DLG2: variants seen among roughly 807,000 people sequenced by gnomAD.
DLG2 encodes disks large homolog 2.
DLG2 carries 45 observed loss-of-function variants against 132.5 expected under a neutral mutation model. The observed-to-expected ratio is 0.34, with a 90% CI of 0.27 to 0.44. DLG2 has a LOEUF of 0.44. Among genes scored for constraint, DLG2 ranks in the 20% least tolerant of loss-of-function variants. DLG2 has a pLI of 1.00. For missense variants in DLG2, 1,045 were observed against 1,196.9 expected, an observed-to-expected ratio of 0.87 and a Z score of 1.87; for synonymous variants, 424 against 419.6, an observed-to-expected ratio of 1.01 and a Z score of -0.13.
At chr11:85,304,431 G>A (rs1023266514) in intron 3 of DLG2, among the ~76,000 whole-genome samples, 1 of 152,046 alleles carries the variant, frequency 6.6e-6, no homozygotes, top group African/African-American at 2.4e-5. Flanking sequence ...GCACAGTAGA[G>A]ACTAACTGAA....
intron 6 of DLG2, among the ~76,000 whole-genome samples, chr11:84,597,641 A>G (rs2099565879): frequency 6.6e-6 from 1 of 152,224 alleles, no homozygotes; most frequent in East Asian, 1.9e-4. Flanking sequence ...GAACCATTAA[A>G]GCAGCAGTTA....
intron 3 of DLG2, among the ~76,000 whole-genome samples, chr11:85,586,420 C>T (rs922848007): frequency 6.6e-6 from 1 of 152,028 alleles, no homozygotes; most frequent in Non-Finnish European, 1.5e-5. Context: ...CTATTTATTC[C>T]TGATTTAATC....
Position 85,481,465 on chromosome 11 carries a change from A to C in DLG2, c.40+117192T>G, listed in dbSNP as rs147259665. Among the ~76,000 whole-genome samples, 105 of 152,318 alleles carry C rather than the reference A, an allele frequency of 6.9e-4. 2 individuals carry two copies. The East Asian group carries it at 0.017, about 24-fold the overall frequency. On this transcript the variant is annotated intron_variant, in intron 3 of 27. Coordinates refer to ENST00000376104, the MANE Select transcript of DLG2 (RefSeq NM_001142699.3). ...GGAAGAGGGTAGAAAGAACAGCTTT[A>C]CATTACCCATTTCACCCAACTCCAG...
intron 6 of DLG2, 51 bp downstream of exon 6, chr11:85,111,610 T>C (rs1039778408): frequency 9.2e-5 from 132 of 1,438,400 alleles, no homozygotes; most frequent in Non-Finnish European, 1.2e-4. Flanking sequence ...TATTCCAAAA[T>C]ATAAAAACAT....
intron 7 of DLG2, among the ~76,000 whole-genome samples, chr11:84,263,603 C>T (rs949042622): frequency 1.2e-4 from 18 of 152,192 alleles, no homozygotes; most frequent in African/African-American, 4.3e-4. Flanking sequence ...TATTACCAAG[C>T]TCTTTCTTCC....
intron 7 of DLG2, among the ~76,000 whole-genome samples, chr11:84,287,714 T>C (rs1320701414): frequency 2.0e-5 from 3 of 148,520 alleles, no homozygotes; most frequent in Admixed American, 7.0e-5. Context: ...TCTCTCCTTC[T>C]CTCCCTCCAT....
chr11:83,816,150 T>C (rs879916196), intron 17 of DLG2, among the ~76,000 whole-genome samples: 2 of 152,158 alleles, frequency 1.3e-5, no homozygotes, highest in Non-Finnish European at 2.9e-5. Flanking sequence ...GAGTGGAACA[T>C]ATAGCTTAGA....
chr11:84,583,866 T>C (rs185801126), intron 6 of DLG2, among the ~76,000 whole-genome samples: 1 of 152,312 alleles, frequency 6.6e-6, no homozygotes, highest in Non-Finnish European at 1.5e-5. Flanking sequence ...CATTTGATTT[T>C]ATGTTTCAAA....
At chr11:84,714,553 C>CTTTCTCTTTCTCTCTCTCTT (rs397956960) in intron 6 of DLG2, among the ~76,000 whole-genome samples, 1 of 109,202 alleles carries the variant, frequency 9.2e-6, no homozygotes, top group African/African-American at 5.2e-5. Context: ...TTCTCTTTCT[C>CTTTCTCTTTCTCTCTCTCTT]TCTCTTTCTC....
intron 6 of DLG2, among the ~76,000 whole-genome samples, chr11:84,685,523 T>C (rs1444508638): frequency 1.3e-5 from 2 of 152,212 alleles, no homozygotes; most frequent in Admixed American, 6.5e-5. Flanking sequence ...AGTCTTCTCA[T>C]ACATATATTA....
At chr11:84,438,109 G>C (rs1331043455) in intron 7 of DLG2, among the ~76,000 whole-genome samples, 1 of 152,196 alleles carries the variant, frequency 6.6e-6, no homozygotes, top group African/African-American at 2.4e-5. Flanking sequence ...AGAGGACTAA[G>C]AGGACTATCA....
intron 9 of DLG2, among the ~76,000 whole-genome samples, chr11:84,133,316 T>A (rs900953894): frequency 6.6e-6 from 1 of 152,024 alleles, no homozygotes; most frequent in African/African-American, 2.4e-5. Context: ...TTCTTATTAT[T>A]GATGTTTTTA....
intron 6 of DLG2, among the ~76,000 whole-genome samples, chr11:84,579,503 G>C (rs930887349): frequency 1.3e-5 from 2 of 152,118 alleles, no homozygotes; most frequent in African/African-American, 4.8e-5. Context: ...AGAGGAGAGG[G>C]AGAACATTTC....
chr11:83,749,196 A>G (rs1314449535), intron 18 of DLG2, among the ~76,000 whole-genome samples: 1 of 152,168 alleles, frequency 6.6e-6, no homozygotes, highest in African/African-American at 2.4e-5. Context: ...TAGCATGGAG[A>G]GCCATAGAAT....
chr11:83,574,372 A>G (rs1015262383), intron 19 of DLG2, among the ~76,000 whole-genome samples: 1 of 152,242 alleles, frequency 6.6e-6, no homozygotes, highest in Non-Finnish European at 1.5e-5. Context: ...TATCCCAAGT[A>G]TATTTGATAA....
chr11:84,400,988 T>C (rs1482798760), intron 7 of DLG2, among the ~76,000 whole-genome samples: 2 of 152,086 alleles, frequency 1.3e-5, no homozygotes, highest in Non-Finnish European at 2.9e-5. Context: ...TCTGCCAACA[T>C]AGTTAACATT....
chr11:84,894,485 CAT>C (rs1471312778), intron 6 of DLG2, among the ~76,000 whole-genome samples: 1 of 152,064 alleles, frequency 6.6e-6, no homozygotes, highest in Non-Finnish European at 1.5e-5. Flanking sequence ...ATACTCACCA[CAT>C]GTTTACACAC....
chr11:84,133,547 C>A (rs2094495870), intron 9 of DLG2, among the ~76,000 whole-genome samples: 1 of 152,020 alleles, frequency 6.6e-6, no homozygotes. Flanking sequence ...AAACTGGAAG[C>A]AGTTCATTTC....
At chr11:85,037,242 T>C (rs1427124774) in intron 6 of DLG2, among the ~76,000 whole-genome samples, 1 of 152,168 alleles carries the variant, frequency 6.6e-6, no homozygotes. Context: ...CGTCACAGTC[T>C]CCAGAATCTT....
Sources: allele counts gnomAD v4.1 joint callset (sites outside exome capture counted in the v4.1 genomes callset), GRCh38; gene constraint gnomAD v4.1.1; transcripts MANE v1.5; gene names NCBI Gene and HGNC (gene_info 2026-07-23, HGNC 2026-07-21).